MROH9: variants seen among roughly 807,000 people sequenced by gnomAD.
MROH9 encodes the protein maestro heat like repeat family member 9.
MROH9 carries 92 observed loss-of-function variants against 98.2 expected under a neutral mutation model. The ratio of observed to expected loss-of-function variants is 0.94; its 90% confidence interval spans 0.79 to 1.11. The LOEUF is 1.11. MROH9 is among the 50% of genes most tolerant of loss of function. The pLI, the probability that MROH9 is intolerant of heterozygous loss-of-function variation, is 0.00. For missense variants in MROH9, 1,057 were observed against 1,014.8 expected (o/e 1.04, Z -0.57); for synonymous variants, 397 against 368.9 (o/e 1.08, Z -0.87).
chr1:171,008,642 G>A (rs1652041259), intron 15 of MROH9, among the ~76,000 whole-genome samples: 2 of 152,230 alleles, frequency 1.3e-5, no homozygotes, highest in African/African-American at 4.8e-5. Context: ...TGTAGTCACA[G>A]CTACTCAGGA....
chr1:171,024,515 T>A lies in MROH9; in HGVS notation c.2029T>A (p.Phe677Ile), dbSNP rs1652642034. ...AGAAGGCTTGGTGCCCCTAATCCTA[T>A]TTTTGGAGGATGATGATAAAAGAGT... Reference protein sequence around the residue: ...VLEGLVPLILFLEDDDKRVAE... With the variant: ...VLEGLVPLILILEDDDKRVAE... The change falls in exon 18 of 22, where the codon TTT becomes ATT. Residue 677 changes from phenylalanine (F) to isoleucine (I), a missense_variant. Phe to Ile is a conservative substitution (Grantham distance 21). Coordinates refer to ENST00000367759, the MANE Select transcript of MROH9 (RefSeq NM_001163629.2). The A allele has an allele frequency of 6.5e-7, 1 of 1,537,278 alleles. No individual in the cohort carries two copies. Among genetic ancestry groups the A allele is most frequent in the African/African-American group, 1.4e-5 (1 of 72,178 alleles).
chr1:170,950,762 G>T (rs1649519490), intron 3 of MROH9, among the ~76,000 whole-genome samples: 1 of 152,004 alleles, frequency 6.6e-6, no homozygotes. Context: ...AATAATCTAA[G>T]TTTTATTGCT....
chr1:171,027,203 T>G (rs1652743428), intron 20 of MROH9, among the ~76,000 whole-genome samples: 1 of 152,158 alleles, frequency 6.6e-6, no homozygotes, highest in Non-Finnish European at 1.5e-5. Flanking sequence ...TTCCCTCGCC[T>G]CAACCCCCAC....
At chr1:170,986,302 A>G (rs1651128356) in intron 9 of MROH9, among the ~76,000 whole-genome samples, 1 of 152,226 alleles carries the variant, frequency 6.6e-6, no homozygotes, top group Admixed American at 6.5e-5. Flanking sequence ...ATATTTGAAC[A>G]GCTGAATTGC....
Position 170,996,597 on chromosome 1 carries a change from G to A in MROH9, c.1428G>A (p.Gln476=). ...ITLMKENFWD[Q]LSEDLCYYHG... ...TAATGAAGGAGAATTTCTGGGACCA[G>A]TTATCTGAAGATCTGTGTTACTATC... is the stretch of plus-strand genomic sequence containing the variant. The change falls in exon 14 of 22, where the codon CAG becomes CAA. Residue 476 remains glutamine (Q), a synonymous_variant. Coordinates refer to ENST00000367759, the MANE Select transcript of MROH9 (RefSeq NM_001163629.2). The A allele has an allele frequency of 6.2e-7, 1 of 1,613,632 alleles. No homozygotes were observed. Among genetic ancestry groups the A allele is most frequent in the Non-Finnish European group, 8.5e-7 (1 of 1,179,668 alleles).
intron 15 of MROH9, among the ~76,000 whole-genome samples, chr1:171,007,324 G>A (rs980855566): frequency 6.6e-6 from 1 of 152,158 alleles, no homozygotes; most frequent in Non-Finnish European, 1.5e-5. Context: ...TCTGGAATGA[G>A]GGTCCACTAC....
intron 14 of MROH9, among the ~76,000 whole-genome samples, chr1:170,997,026 C>T (rs1029196347): frequency 1.3e-5 from 2 of 152,030 alleles, no homozygotes; most frequent in African/African-American, 4.8e-5. Context: ...AAAACCTATA[C>T]TCAACAAGCC....
rs767012203 is a variant in MROH9 at position 170,992,476 on chromosome 1, A to G, written c.1194+147A>G. 6.3e-6 allele frequency: 5 copies of G among 796,800 alleles called. No individual in the cohort carries two copies. The East Asian group carries it at 1.3e-4, about 21-fold the overall frequency. The allele number at this position is 796,800 out of a possible 1,614,324, so 49.4% of individuals were successfully genotyped here. A position where few individuals can be genotyped will look rare whatever the true frequency, so the allele number is the denominator to read the frequency against. ...TGCAACACATATTTATTGAGTGTCT[A>G]TTATTTGCTATGCCCTATTATGGAG... is the stretch of plus-strand genomic sequence containing the variant. On this transcript the variant is annotated intron_variant, in intron 12 of 21. Coordinates refer to ENST00000367759, the MANE Select transcript of MROH9 (RefSeq NM_001163629.2).
intron 17 of MROH9, among the ~76,000 whole-genome samples, chr1:171,023,106 C>T (rs948242721): frequency 4.6e-5 from 7 of 152,124 alleles, no homozygotes; most frequent in South Asian, 2.1e-4. Context: ...ATTGCTTGAG[C>T]CCAAGAATTT....
chr1:171,004,857 A>G (rs1003206639), intron 15 of MROH9, among the ~76,000 whole-genome samples: 1 of 152,080 alleles, frequency 6.6e-6, no homozygotes, highest in Non-Finnish European at 1.5e-5. Flanking sequence ...GGCCAGGACC[A>G]TACTGTTTTG....
At chr1:170,957,345 G>T (rs1401031981) in intron 3 of MROH9, among the ~76,000 whole-genome samples, 6 of 152,072 alleles carry the variant, frequency 3.9e-5, no homozygotes, top group South Asian at 2.1e-4. Flanking sequence ...ATCAACTTTT[G>T]TATATGGTAA....
chr1:171,024,727 A>T lies in MROH9; in HGVS notation c.2140A>T (p.Ser714Cys). 6.4e-7 allele frequency: 1 copy of T among 1,550,930 alleles called. No homozygotes were observed. Among genetic ancestry groups the T allele is most frequent in the Non-Finnish European group, 8.7e-7 (1 of 1,146,408 alleles). ...ACGTTTGCTCAAAGATGAAAATTAC[A>T]GTTTTGAGATGGTGGTGCTCAATAT... ...TSRLLKDENY[S>C]FEMVVLNICN... Residue 714 changes from serine to cysteine, a missense_variant, in exon 19 of 22, where the codon AGT becomes TGT. Transcript: ENST00000367759.
chr1:171,016,150 CT>C lies in MROH9; in HGVS notation c.1735-9del. On this transcript the variant is annotated splice_polypyrimidine_tract_variant and intron_variant, in intron 16 of 21. Coordinates refer to ENST00000367759, the MANE Select transcript of MROH9 (RefSeq NM_001163629.2). ...AGTTCCTAAATCCCACCATTTTTTC[CT>C]TTTATATGTAGACAGAAAATGTCAG... The C allele has an allele frequency of 7.1e-7, 1 of 1,416,970 alleles. No homozygotes were observed. The highest frequency in any genetic ancestry group is 9.3e-7 in the Non-Finnish European group (1 of 1,079,814). 87.8% of individuals were successfully genotyped at this position (1,416,970 alleles called of 1,614,324 possible).
chr1:170,944,989 GA>G (rs1452619321), intron 1 of MROH9, among the ~76,000 whole-genome samples: 1 of 151,944 alleles, frequency 6.6e-6, no homozygotes, highest in Non-Finnish European at 1.5e-5. Context: ...GAGTTAAAAG[GA>G]AGAGTATTTG....
chr1:171,057,529 C>G (rs946530680), intron 20 of MROH9, among the ~76,000 whole-genome samples: 2 of 152,102 alleles, frequency 1.3e-5, no homozygotes, highest in Non-Finnish European at 1.5e-5. Context: ...AGGAAACAAG[C>G]TGGAAAAAGC....
rs751066028 is a variant in MROH9, at chr1:170,986,702, G to T, written c.871G>T (p.Val291Phe). The change falls in exon 10 of 22, where the codon GTC (valine) becomes TTC (phenylalanine). Residue 291 changes from valine to phenylalanine, a missense_variant. Coordinates refer to ENST00000367759, the MANE Select transcript of MROH9 (RefSeq NM_001163629.2). ...TACTCTGGAATTTCATGCCGAGAAG[G>T]TCACCATGGTAAGATACTTGACAAT... ...IFTLEFHAEK[V>F]TMVSKIVDAI... 55 of 1,613,444 alleles carry T rather than the reference G, an allele frequency of 3.4e-5. No homozygotes were observed. The highest frequency in any genetic ancestry group is 1.6e-4 in the Middle Eastern group (1 of 6,076).
rs191016277 is a variant in MROH9, at chr1:171,061,781, G to T, written c.2282-351G>T. Among the ~76,000 whole-genome samples the T allele has an allele frequency of 7.4e-4, 112 of 152,246 alleles. 1 individual carries two copies. Among genetic ancestry groups the T allele is most frequent in the Non-Finnish European group, 1.2e-3 (85 of 68,008 alleles). On this transcript the variant is annotated intron_variant, in intron 20 of 21. Coordinates refer to ENST00000367759, the MANE Select transcript of MROH9 (RefSeq NM_001163629.2). ...AAAAGGTAATATGAAGCAAAGGAAA[G>T]CAGACACAAAAGAATATATTCTGAA...
At chr1:170,971,707 T>A (rs1478115117) in intron 7 of MROH9, 41 bp from the exon 8 acceptor site, 4 of 1,604,154 alleles carry the variant, frequency 2.5e-6, no homozygotes, top group Middle Eastern at 1.7e-4. Flanking sequence ...TCATATTGGC[T>A]ATGCATAGCA....
At chr1:171,008,114 A>C (rs1212338612) in intron 15 of MROH9, among the ~76,000 whole-genome samples, 1 of 152,186 alleles carries the variant, frequency 6.6e-6, no homozygotes, top group Non-Finnish European at 1.5e-5. Flanking sequence ...ATTTTCATAG[A>C]AATGCTTCTA....
Sources: allele counts gnomAD v4.1 joint callset (sites outside exome capture counted in the v4.1 genomes callset), GRCh38; gene constraint gnomAD v4.1.1; transcripts MANE v1.5; gene names NCBI Gene and HGNC (gene_info 2026-07-23, HGNC 2026-07-21).